GOLGA4: variants seen among roughly 807,000 people sequenced by gnomAD.
GOLGA4 encodes the protein golgin A4, also known as golgin subfamily A member 4.
GOLGA4 carries 169 observed loss-of-function variants against 265.9 expected under a neutral mutation model. That is an observed-to-expected ratio of 0.64 (90% CI 0.56 to 0.72). The LOEUF (loss-of-function observed/expected upper bound fraction) is 0.72. Ranked by LOEUF, GOLGA4 falls within the 30% of genes least tolerant of loss-of-function variation. GOLGA4 has a pLI of 0.00. For missense variants in GOLGA4, 2,482 were observed against 2,483.4 expected (o/e 1.00, Z 0.01); for synonymous variants, 923 against 855.8 (o/e 1.08, Z -1.37).
Position 37,319,046 on chromosome 3 carries a change from A to G in GOLGA4, c.1414-17A>G, listed in dbSNP as rs1468265991. 7.0e-6 allele frequency: 11 copies of G among 1,564,790 alleles called. No homozygotes were observed. The highest frequency in any genetic ancestry group is 1.7e-4 in the Middle Eastern group (1 of 5,850). On this transcript the variant is annotated splice_polypyrimidine_tract_variant and intron_variant, in intron 11 of 23. Transcript: ENST00000361924. ...TATTCTGGGTGTCCTTATATTATCTATTTGGCTCATTTTCAGAAATCCTCA... is the reference window on the plus strand; with the variant it reads ...TATTCTGGGTGTCCTTATATTATCTGTTTGGCTCATTTTCAGAAATCCTCA...
intron 20 of GOLGA4, 21 bp from the exon 21 acceptor site, chr3:37,347,172 A>T (rs762802240): frequency 1.3e-5 from 18 of 1,420,724 alleles, no homozygotes; most frequent in Non-Finnish European, 1.8e-5. Flanking sequence ...TTACAGTTTG[A>T]TCTATTTTTT....
chr3:37,330,616 A>G (rs897037817), intron 16 of GOLGA4, among the ~76,000 whole-genome samples: 1 of 152,202 alleles, frequency 6.6e-6, no homozygotes. Flanking sequence ...TTGTCCTTCA[A>G]GCTTCAGGCT....
chr3:37,243,532 A>G lies in GOLGA4; in HGVS notation c.-19A>G. ...CCTTCAGGTTTCGTTGACACTCAGG[A>G]CCGTACGTACGCTGCGCCATGTTCA... On this transcript the variant is annotated 5_prime_UTR_variant, in exon 1 of 24. Coordinates refer to ENST00000361924, the MANE Select transcript of GOLGA4 (RefSeq NM_002078.5). The G allele has an allele frequency of 6.2e-7, 1 of 1,612,784 alleles. No homozygotes were observed. The highest frequency in any genetic ancestry group is 2.2e-5 in the East Asian group (1 of 44,854).
chr3:37,253,847 AC>A (rs1373224722), intron 2 of GOLGA4, among the ~76,000 whole-genome samples: 1 of 151,858 alleles, frequency 6.6e-6, no homozygotes, highest in Non-Finnish European at 1.5e-5. Context: ...ATATGGTGAA[AC>A]CCTAAAAAAA....
intron 5 of GOLGA4, among the ~76,000 whole-genome samples, chr3:37,291,206 G>A (rs935394449): frequency 3.3e-5 from 5 of 152,056 alleles, no homozygotes; most frequent in Admixed American, 2.0e-4. Context: ...ATTTAAATAT[G>A]CATTGAATAA....
At chr3:37,312,731 C>G (rs75933218) in intron 10 of GOLGA4, among the ~76,000 whole-genome samples, 155 of 152,110 alleles carry the variant, frequency 1.0e-3, no homozygotes, top group African/African-American at 3.1e-3. Flanking sequence ...ACTGTGTTGC[C>G]TAGGCTGGTC....
chr3:37,335,021 T>C (rs908724519), intron 16 of GOLGA4, 32 bp from the exon 17 acceptor site: 1 of 1,349,076 alleles, frequency 7.4e-7, no homozygotes, highest in Non-Finnish European at 1.0e-6. Context: ...TTTTTTTCTT[T>C]TCCTTTTTTT....
In GOLGA4 at chr3:37,324,539, A is replaced by T; in HGVS notation, c.2653A>T (p.Thr885Ser). ...SEMEQKVKSL[T>S]QVYESKLEDG... ...AATGGAGCAAAAAGTAAAATCTTTAACCCAAGTCTATGAGTCCAAACTTGA... is the reference window on the plus strand; with the variant it reads ...AATGGAGCAAAAAGTAAAATCTTTATCCCAAGTCTATGAGTCCAAACTTGA... Residue 885 changes from threonine (T) to serine (S), a missense_variant, in exon 14 of 24, where the codon ACC becomes TCC. Around this residue, in one of 3 missense-constraint regions of GOLGA4, gnomAD observed 1,536 missense variants for 1,483.7 expected, o/e 1.04. Coordinates refer to ENST00000361924, the MANE Select transcript of GOLGA4 (RefSeq NM_002078.5). 1 of 1,613,920 alleles carries T rather than the reference A, an allele frequency of 6.2e-7. No homozygotes were observed. Among genetic ancestry groups the T allele is most frequent in the Non-Finnish European group, 8.5e-7 (1 of 1,179,930 alleles).
chr3:37,337,208 G>A, intron 18 of GOLGA4, 45 bp downstream of exon 18: 1 of 1,036,336 alleles, frequency 9.6e-7, no homozygotes, highest in East Asian at 2.5e-5. Flanking sequence ...TTTTCTTTGA[G>A]ACAGATTCTC....
chr3:37,337,749 G>T lies in GOLGA4; in HGVS notation c.6396+15G>T. On this transcript the variant is annotated intron_variant, in intron 19 of 23. Coordinates refer to ENST00000361924, the MANE Select transcript of GOLGA4 (RefSeq NM_002078.5). ...TCAGAGAACAGGTACAGGCCTAATT[G>T]GTACCTTTTATTTTGAACTAAAGTT... is the stretch of plus-strand genomic sequence containing the variant. 6.6e-7 allele frequency: 1 copy of T among 1,513,314 alleles called. No individual in the cohort carries two copies. Among genetic ancestry groups the T allele is most frequent in the Non-Finnish European group, 9.2e-7 (1 of 1,088,498 alleles). The allele number at this position is 1,513,314 out of a possible 1,614,324, so 93.7% of individuals were successfully genotyped here. A position where few individuals can be genotyped will look rare whatever the true frequency, so the allele number is the denominator to read the frequency against.
chr3:37,265,597 A>G (rs1278306453), intron 2 of GOLGA4, among the ~76,000 whole-genome samples: 1 of 152,174 alleles, frequency 6.6e-6, no homozygotes, highest in Non-Finnish European at 1.5e-5. Context: ...TACTTAATGT[A>G]TACAATTTGA....
intron 10 of GOLGA4, among the ~76,000 whole-genome samples, chr3:37,303,768 T>A (rs2096899174): frequency 6.6e-6 from 1 of 152,216 alleles, no homozygotes; most frequent in African/African-American, 2.4e-5. Flanking sequence ...CTGCTGACGC[T>A]TATTTAGCAC....
In GOLGA4 at chr3:37,326,743, G is replaced by C; in HGVS notation, c.4857G>C (p.Glu1619Asp). 3 of 1,613,700 alleles carry C rather than the reference G, an allele frequency of 1.9e-6. No homozygotes were observed. Among genetic ancestry groups the C allele is most frequent in the Non-Finnish European group, 2.5e-6 (3 of 1,179,718 alleles). The change falls in exon 14 of 24, where the codon GAG becomes GAC. Residue 1619 changes from glutamate (E) to aspartate (D), a missense_variant. This residue lies in a region of GOLGA4 where 942 missense variants were observed against 983.1 expected (regional missense o/e 0.96). Transcript: ENST00000361924. ...EHVNLSVKSKEEELKALEDRL... is the reference protein window; with the variant it reads ...EHVNLSVKSKDEELKALEDRL... The stretch of plus-strand genomic sequence containing the variant: ...TGAATTTAAGTGTGAAAAGCAAAGA[G>C]GAGGAGTTAAAGGCATTGGAAGATA...
At chr3:37,258,027 A>C (rs1212429024) in intron 2 of GOLGA4, among the ~76,000 whole-genome samples, 2 of 79,434 alleles carry the variant, frequency 2.5e-5, no homozygotes, top group African/African-American at 5.9e-5. Flanking sequence ...ATATGTATGT[A>C]TATATGTATA....
At chr3:37,352,032 C>T (rs140500772) in intron 21 of GOLGA4, among the ~76,000 whole-genome samples, 3 of 152,142 alleles carry the variant, frequency 2.0e-5, no homozygotes, top group African/African-American at 7.2e-5. Context: ...AAATAGAAGG[C>T]TGTTTCATCT....
rs778570684 is a variant in GOLGA4, at chr3:37,324,641, G to A, written c.2755G>A (p.Gly919Arg). ...KENMILQMRE[G>R]QKKEIEILTQ... is the part of the protein sequence containing the mutation. The stretch of plus-strand genomic sequence containing the variant: ...AAATATGATTTTACAAATGAGAGAA[G>A]GACAGAAGAAAGAAATTGAGATACT... Residue 919 changes from glycine (G) to arginine (R), a missense_variant, in exon 14 of 24, where the codon GGA becomes AGA. By Grantham distance (125) the Gly-to-Arg change is moderately radical. Transcript: ENST00000361924. 68 of 1,612,226 alleles carry A rather than the reference G, an allele frequency of 4.2e-5. No individual in the cohort carries two copies. The highest frequency in any genetic ancestry group is 5.3e-5 in the Non-Finnish European group (63 of 1,179,182).
Position 37,289,348 on chromosome 3 carries a change from A to G in GOLGA4, c.582+57A>G. The G allele has an allele frequency of 2.8e-6, 3 of 1,082,164 alleles. No homozygotes were observed. The South Asian group carries it at 4.1e-5, about 15-fold the overall frequency. The allele number at this position is 1,082,164 out of a possible 1,614,324, so 67.0% of individuals were successfully genotyped here. A position where few individuals can be genotyped will look rare whatever the true frequency, so the allele number is the denominator to read the frequency against. On this transcript the variant is annotated intron_variant, in intron 5 of 23. Coordinates refer to ENST00000361924, the MANE Select transcript of GOLGA4 (RefSeq NM_002078.5). ...GTAATTAAATCTCATATTTATCAGA[A>G]CTGTTGTATGTGCTAGGGTAGTTTC...
At chr3:37,286,442 C>G (rs111248736) in intron 4 of GOLGA4, among the ~76,000 whole-genome samples, 1 of 152,086 alleles carries the variant, frequency 6.6e-6, no homozygotes, top group South Asian at 2.1e-4. Flanking sequence ...CGTGAGCCAC[C>G]GCGCCCGGCC....
intron 12 of GOLGA4, 101 bp downstream of exon 12, chr3:37,319,295 G>C: frequency 1.1e-6 from 1 of 912,306 alleles, no homozygotes; most frequent in Non-Finnish European, 1.6e-6. Flanking sequence ...CAGACTACTG[G>C]CAGTCTTGAC....
Sources: allele counts gnomAD v4.1 joint callset (sites outside exome capture counted in the v4.1 genomes callset), GRCh38; gene constraint gnomAD v4.1.1; regional missense constraint gnomAD v4.1.1; transcripts MANE v1.5; gene names NCBI Gene and HGNC (gene_info 2026-07-23, HGNC 2026-07-21).